Variants in CALN1 observed in about 807,000 individuals in gnomAD.
CALN1 encodes calcium-binding protein 8.
Under a neutral mutation model 30.6 loss-of-function variants are expected in CALN1, and 17 were observed. The observed-to-expected ratio is 0.56, with a 90% CI of 0.38 to 0.83. The LOEUF is 0.83. Among genes scored for constraint, CALN1 ranks in the 40% least tolerant of loss-of-function variants. The pLI is 0.00. For missense variants in CALN1, 291 were observed against 354.9 expected (o/e 0.82, Z 1.45); for synonymous variants, 156 against 131.4 (o/e 1.19, Z -1.28).
chr7:71,928,721 C>T (rs2129519962), intron 5 of CALN1, among the ~76,000 whole-genome samples: 1 of 152,168 alleles, frequency 6.6e-6, no homozygotes, highest in South Asian at 2.1e-4. Context: ...TCTTAGAACA[C>T]TTTTATCGCC....
At chr7:72,402,405 C>A (rs1806400096) in intron 2 of CALN1, among the ~76,000 whole-genome samples, 1 of 152,204 alleles carries the variant, frequency 6.6e-6, no homozygotes, top group Non-Finnish European at 1.5e-5. Context: ...ACTGCCCCCA[C>A]CATATACACT....
At chr7:72,107,995 T>C (rs1294384681) in intron 3 of CALN1, among the ~76,000 whole-genome samples, 1 of 152,144 alleles carries the variant, frequency 6.6e-6, no homozygotes, top group African/African-American at 2.4e-5. Flanking sequence ...TACCACAAAC[T>C]TGGTGATTTA....
At chr7:72,321,641 A>C (rs567721792) in intron 2 of CALN1, among the ~76,000 whole-genome samples, 20 of 152,334 alleles carry the variant, frequency 1.3e-4, no homozygotes, top group Non-Finnish European at 2.6e-4. Flanking sequence ...GCTTCTGTGT[A>C]GTTAACTAAA....
intron 2 of CALN1, among the ~76,000 whole-genome samples, chr7:72,329,512 C>G (rs531521796): frequency 6.6e-6 from 1 of 152,348 alleles, no homozygotes; most frequent in African/African-American, 2.4e-5. Context: ...ACACCAGTCT[C>G]CTTCCTTCTC....
chr7:72,120,757 A>G (rs1808317518), intron 3 of CALN1, among the ~76,000 whole-genome samples: 2 of 152,146 alleles, frequency 1.3e-5, no homozygotes, highest in Non-Finnish European at 2.9e-5. Context: ...CAAGATCCAG[A>G]GGATTACAAG....
rs1353424345 is a variant in CALN1 at position 72,035,412 on chromosome 7, C to T, written c.389-11643G>A. On this transcript the variant is annotated intron_variant, in intron 4 of 6. Transcript: ENST00000395275. The stretch of plus-strand genomic sequence containing the variant: ...TTCATGCATAAAGTCCCTCAAGGTT[C>T]ATCCATGTTGTAGCATATGCCAGCA... Among the ~76,000 whole-genome samples the T allele has an allele frequency of 5.9e-5, 9 of 152,094 alleles. 1 individual carries two copies.
chr7:72,346,765 C>T (rs1802664076), intron 2 of CALN1, among the ~76,000 whole-genome samples: 1 of 152,134 alleles, frequency 6.6e-6, no homozygotes, highest in Non-Finnish European at 1.5e-5. Flanking sequence ...ATCCACCCGC[C>T]TTGGCCTCCC....
intron 1 of CALN1, among the ~76,000 whole-genome samples, chr7:72,442,519 C>T (rs975917326): frequency 2.0e-5 from 3 of 151,920 alleles, no homozygotes; most frequent in Admixed American, 2.0e-4. Flanking sequence ...TAGGATTGCA[C>T]TTTATGTAGG....
intron 5 of CALN1, among the ~76,000 whole-genome samples, chr7:71,974,868 G>A (rs552811138): frequency 6.6e-6 from 1 of 152,186 alleles, no homozygotes; most frequent in African/African-American, 2.4e-5. Flanking sequence ...TTAGCAATTA[G>A]GTTGGAAGCC....
intron 5 of CALN1, among the ~76,000 whole-genome samples, chr7:71,936,352 G>T (rs1042193127): frequency 2.7e-5 from 4 of 149,550 alleles, no homozygotes; most frequent in Non-Finnish European, 5.9e-5. Context: ...CAAAAAATTA[G>T]CTGGGTGTAG....
chr7:72,268,793 CCACACA>C (rs3032247), intron 3 of CALN1, among the ~76,000 whole-genome samples: 2,953 of 145,920 alleles, frequency 0.02, 44 homozygotes, highest in African/African-American at 0.04. Context: ...CAAGACCCTG[CCACACA>C]CACACACACA....
intron 5 of CALN1, among the ~76,000 whole-genome samples, chr7:71,967,624 T>C (rs1189849131): frequency 1.0e-4 from 7 of 68,068 alleles, no homozygotes; most frequent in African/African-American, 5.8e-4. Context: ...AGACCCTGTT[T>C]CAAAAAAAAA....
intron 6 of CALN1, among the ~76,000 whole-genome samples, chr7:71,792,106 C>T (rs939260796): frequency 1.3e-5 from 2 of 152,202 alleles, no homozygotes; most frequent in African/African-American, 4.8e-5. Flanking sequence ...GTGGACAGAG[C>T]TGCGACCTGG....
Position 72,401,008 on chromosome 7 carries a change from G to C in CALN1, c.119+2243C>G, listed in dbSNP as rs1156717743. On this transcript the variant is annotated intron_variant, in intron 2 of 6. Coordinates refer to ENST00000395275, the MANE Select transcript of CALN1 (RefSeq NM_031468.4). The stretch of plus-strand genomic sequence containing the variant: ...TAACCACTCAGGCCACTGCAGCGAG[G>C]AAACAGTGGTGGCTCTCTTTTGAGC... Among the ~76,000 whole-genome samples, 3 of 152,122 alleles carry C rather than the reference G, an allele frequency of 2.0e-5. No individual in the cohort carries two copies. The East Asian group carries it at 5.8e-4, about 29-fold the overall frequency.
chr7:72,049,975 A>G (rs535134084), intron 4 of CALN1, among the ~76,000 whole-genome samples: 3 of 147,516 alleles, frequency 2.0e-5, no homozygotes, highest in African/African-American at 7.5e-5. Flanking sequence ...ACTCCTGGCT[A>G]TACTTTTTTT....
intron 5 of CALN1, among the ~76,000 whole-genome samples, chr7:72,008,453 AAATT>A (rs1221187861): frequency 2.0e-5 from 3 of 148,332 alleles, no homozygotes; most frequent in Non-Finnish European, 3.0e-5. Context: ...TAATTTACAC[AAATT>A]ATTATTATAA....
At chr7:72,107,636 C>T (rs969369063) in intron 3 of CALN1, among the ~76,000 whole-genome samples, 2 of 152,114 alleles carry the variant, frequency 1.3e-5, no homozygotes, top group African/African-American at 4.8e-5. Context: ...ATGAAAGGTT[C>T]GTTAATTGTT....
chr7:72,231,116 GCTT>G (rs1481349283), intron 3 of CALN1, among the ~76,000 whole-genome samples: 1 of 151,642 alleles, frequency 6.6e-6, no homozygotes, highest in Non-Finnish European at 1.5e-5. Flanking sequence ...TGCAGTACAC[GCTT>G]TTTTTTTTTA....
At position 72,209,619 on chromosome 7, in the gene CALN1, T is replaced by C. The variant is rs1792244481; in HGVS notation, c.244+69067A>G. Among the ~76,000 whole-genome samples, 2 of 151,892 alleles carry C rather than the reference T, an allele frequency of 1.3e-5. 1 individual carries two copies. ...TTTAGTATATTCACAGACATGTGTATCACTGCAGTCAATATTAGAACATTT... is the reference window on the plus strand; with the variant it reads ...TTTAGTATATTCACAGACATGTGTACCACTGCAGTCAATATTAGAACATTT... On this transcript the variant is annotated intron_variant, in intron 3 of 6. Coordinates refer to ENST00000395275, the MANE Select transcript of CALN1 (RefSeq NM_031468.4).
Sources: allele counts gnomAD v4.1 joint callset (sites outside exome capture counted in the v4.1 genomes callset), GRCh38; gene constraint gnomAD v4.1.1; transcripts MANE v1.5; gene names NCBI Gene and HGNC (gene_info 2026-07-23, HGNC 2026-07-21).